The following HPSE2 variants were observed in gnomAD, a reference collection of about 807,000 sequenced individuals.
HPSE2 encodes the protein inactive heparanase-2.
A neutral mutation model predicts 60.5 loss-of-function variants in HPSE2; 38 were observed. The ratio of observed to expected loss-of-function variants is 0.63; its 90% confidence interval spans 0.48 to 0.82. HPSE2 has a LOEUF of 0.82. HPSE2 is among the 40% of genes least tolerant of loss of function. The probability of loss-of-function intolerance (pLI) is 0.00; values close to 1 mark genes in which losing one functional copy is unlikely to be tolerated. For missense variants in HPSE2, 713 were observed against 740.4 expected (o/e 0.96, Z 0.43); for synonymous variants, 295 against 293.2 (o/e 1.01, Z -0.06).
chr10:99,050,870 A>C lies in HPSE2; in HGVS notation c.610+93368T>G, dbSNP rs1294339687. ...TAGGGATAATAAGGAGATGTTAGTC[A>C]AACGGTACAATGTTTAAGTTACACA... is the stretch of plus-strand genomic sequence containing the variant. On this transcript the variant is annotated intron_variant, in intron 3 of 11. Coordinates refer to ENST00000370552, the MANE Select transcript of HPSE2 (RefSeq NM_021828.5). Among the ~76,000 whole-genome samples the C allele has an allele frequency of 1.3e-5, 2 of 152,226 alleles. 1 individual carries two copies. The highest frequency in any genetic ancestry group is 2.9e-5 in the Non-Finnish European group (2 of 68,048).
At chr10:99,000,583 G>A (rs1295687866) in intron 3 of HPSE2, among the ~76,000 whole-genome samples, 1 of 152,088 alleles carries the variant, frequency 6.6e-6, no homozygotes, top group East Asian at 1.9e-4. Flanking sequence ...CTAAGGCTGG[G>A]AAAAGACTAT....
chr10:99,244,828 T>C, the HPSE2 span, among the ~76,000 whole-genome samples: 1 of 152,096 alleles, frequency 6.6e-6, no homozygotes, highest in Admixed American at 6.5e-5. Context: ...ACTTTAGTAG[T>C]ACATACTTAC....
chr10:98,664,041 G>A (rs1469077390), intron 6 of HPSE2, among the ~76,000 whole-genome samples: 2 of 151,938 alleles, frequency 1.3e-5, no homozygotes, highest in Non-Finnish European at 2.9e-5. Flanking sequence ...TCGCTGGCTC[G>A]GGCTTCCAGG....
At chr10:98,514,028 C>T (rs1254299939) in intron 9 of HPSE2, among the ~76,000 whole-genome samples, 1 of 151,564 alleles carries the variant, frequency 6.6e-6, no homozygotes, top group Non-Finnish European at 1.5e-5. Flanking sequence ...ATGAATGGAT[C>T]AACAAAATAT....
intron 11 of HPSE2, among the ~76,000 whole-genome samples, chr10:98,474,636 T>C (rs1940922839): frequency 6.6e-6 from 1 of 151,908 alleles, no homozygotes; most frequent in Admixed American, 6.6e-5. Context: ...ATGAGCAGTA[T>C]GTGGAAAAAG....
At chr10:98,936,435 C>A (rs1238938784) in intron 3 of HPSE2, among the ~76,000 whole-genome samples, 1 of 143,134 alleles carries the variant, frequency 7.0e-6, no homozygotes, top group Non-Finnish European at 1.5e-5. Flanking sequence ...TGTAGGCTCA[C>A]GAGGGAATCT....
At chr10:99,202,176 T>C (rs1345890714) in intron 2 of HPSE2, among the ~76,000 whole-genome samples, 2 of 152,206 alleles carry the variant, frequency 1.3e-5, no homozygotes, top group East Asian at 3.9e-4. Flanking sequence ...ATATCAGTTA[T>C]ATATAGTGAT....
chr10:98,563,051 C>T (rs1413412881), intron 9 of HPSE2, among the ~76,000 whole-genome samples: 2 of 152,112 alleles, frequency 1.3e-5, no homozygotes, highest in African/African-American at 4.8e-5. Context: ...ACAGAGTTAC[C>T]ATATGACCTA....
chr10:98,776,191 G>T (rs1950335467), intron 3 of HPSE2, among the ~76,000 whole-genome samples: 1 of 151,948 alleles, frequency 6.6e-6, no homozygotes, highest in Non-Finnish European at 1.5e-5. Context: ...CCAGCACTCT[G>T]GGAGGCTGAG....
At chr10:98,911,223 C>G (rs1238036173) in intron 3 of HPSE2, among the ~76,000 whole-genome samples, 1 of 152,104 alleles carries the variant, frequency 6.6e-6, no homozygotes. Context: ...AGGGGCAGCA[C>G]ATTAATTGGA....
At chr10:99,259,041 C>T in the HPSE2 span, among the ~76,000 whole-genome samples, 1 of 152,114 alleles carries the variant, frequency 6.6e-6, no homozygotes, top group Non-Finnish European at 1.5e-5. Flanking sequence ...ATTTGCTCTT[C>T]AAAAGACACT....
chr10:98,705,828 A>G (rs1392190831), intron 5 of HPSE2, among the ~76,000 whole-genome samples: 1 of 152,086 alleles, frequency 6.6e-6, no homozygotes, highest in African/African-American at 2.4e-5. Context: ...AACCTAGATG[A>G]CGGGTTTGAT....
intron 11 of HPSE2, among the ~76,000 whole-genome samples, chr10:98,474,108 T>G (rs984444399): frequency 9.2e-5 from 14 of 152,180 alleles, no homozygotes; most frequent in African/African-American, 3.4e-4. Context: ...CCAAATAATA[T>G]CAGCAGTGTA....
chr10:98,547,418 A>G (rs1449562032), intron 9 of HPSE2, among the ~76,000 whole-genome samples: 1 of 151,034 alleles, frequency 6.6e-6, no homozygotes. Flanking sequence ...ATGTCCAACA[A>G]TGATAGATTG....
chr10:99,105,912 G>C (rs559923576), intron 3 of HPSE2, among the ~76,000 whole-genome samples: 1 of 151,770 alleles, frequency 6.6e-6, no homozygotes, highest in Non-Finnish European at 1.5e-5. Context: ...TAATACCTTT[G>C]TCAAAAATCA....
chr10:99,002,438 T>G (rs958034597), intron 3 of HPSE2, among the ~76,000 whole-genome samples: 4 of 152,092 alleles, frequency 2.6e-5, no homozygotes, highest in African/African-American at 9.7e-5. Context: ...AGCCAGGTGA[T>G]AAAGGCCAAC....
rs147600970 is a variant in HPSE2, at chr10:98,919,034, A to T, written c.611-174978T>A. On this transcript the variant is annotated intron_variant, in intron 3 of 11. Coordinates refer to ENST00000370552, the MANE Select transcript of HPSE2 (RefSeq NM_021828.5). The stretch of plus-strand genomic sequence containing the variant: ...GCCTGGGGCCTTAAGAAAAAGGCAC[A>T]AATAATTAAAATATAAAACATAGAG... 1.7e-4 allele frequency among the ~76,000 whole-genome samples: 26 copies of T among 152,290 alleles called. No individual in the cohort carries two copies. In the East Asian group the frequency reaches 4.8e-3, roughly 28 times the overall value.
At chr10:98,631,642 G>A (rs969008421) in intron 7 of HPSE2, among the ~76,000 whole-genome samples, 1 of 152,178 alleles carries the variant, frequency 6.6e-6, no homozygotes, top group Non-Finnish European at 1.5e-5. Context: ...GCCCCAAACA[G>A]CAATTTGCTT....
intron 6 of HPSE2, among the ~76,000 whole-genome samples, chr10:98,679,382 C>T (rs957960965): frequency 3.9e-5 from 6 of 152,168 alleles, no homozygotes; most frequent in Admixed American, 2.0e-4. Flanking sequence ...CATGAGTGCA[C>T]AGCGGCATTT....
Sources: allele counts gnomAD v4.1 joint callset (sites outside exome capture counted in the v4.1 genomes callset), GRCh38; gene constraint gnomAD v4.1.1; transcripts MANE v1.5; gene names NCBI Gene and HGNC (gene_info 2026-07-23, HGNC 2026-07-21).